PAM: variants seen among roughly 807,000 people sequenced by gnomAD.
PAM encodes the protein peptidyl-glycine alpha-amidating monooxygenase.
Under a neutral mutation model 122.1 loss-of-function variants are expected in PAM, and 72 were observed. That is an observed-to-expected ratio of 0.59 (90% CI 0.49 to 0.72). The LOEUF is 0.72. Among genes scored for constraint, PAM ranks in the 30% least tolerant of loss-of-function variants. The probability of loss-of-function intolerance (pLI) is 0.00; values close to 1 mark genes in which losing one functional copy is unlikely to be tolerated. For synonymous variants in PAM, 389 were observed against 404.4 expected (o/e 0.96, Z 0.46); for missense variants, 1,106 against 1,183.7 (o/e 0.93, Z 0.96).
At chr5:102,875,471 G>C (rs1477538426) in intron 3 of PAM, among the ~76,000 whole-genome samples, 3 of 152,138 alleles carry the variant, frequency 2.0e-5, no homozygotes, top group Admixed American at 2.0e-4. Context: ...TGGGATTACA[G>C]GTGTGGGCCA....
At chr5:102,969,471 G>C (rs574923615) in intron 14 of PAM, among the ~76,000 whole-genome samples, 1 of 152,056 alleles carries the variant, frequency 6.6e-6, no homozygotes, top group Non-Finnish European at 1.5e-5. Flanking sequence ...GCAGAGATGG[G>C]GGTCCTTTCT....
At chr5:102,922,736 T>C (rs915416939) in intron 5 of PAM, among the ~76,000 whole-genome samples, 7 of 152,246 alleles carry the variant, frequency 4.6e-5, no homozygotes, top group Non-Finnish European at 1.0e-4. Flanking sequence ...ACATTGGTTA[T>C]AGGCATTTGT....
chr5:102,982,091 G>A (rs995986916), intron 15 of PAM, among the ~76,000 whole-genome samples: 1 of 151,874 alleles, frequency 6.6e-6, no homozygotes, highest in African/African-American at 2.4e-5. Flanking sequence ...CCAGCCTGCC[G>A]GAGTCCAGAC....
chr5:102,946,823 A>G lies in PAM; in HGVS notation c.527-14A>G, dbSNP rs777235219. On this transcript the variant is annotated splice_polypyrimidine_tract_variant and intron_variant, in intron 7 of 25. Coordinates refer to ENST00000438793, the MANE Select transcript of PAM (RefSeq NM_001177306.2). The stretch of plus-strand genomic sequence containing the variant: ...TATCATATTTAAGATATGTGTTTCT[A>G]TGTGTGTTTTCAGATAATAACAAGG... The G allele has an allele frequency of 3.3e-6, 5 of 1,526,720 alleles. No homozygotes were observed. The highest frequency in any genetic ancestry group is 1.1e-5 in the South Asian group (1 of 88,324). The allele number at this position is 1,526,720 out of a possible 1,614,324, so 94.6% of individuals were successfully genotyped here. A position where few individuals can be genotyped will look rare whatever the true frequency, so the allele number is the denominator to read the frequency against.
chr5:102,956,279 G>C (rs900852233), intron 12 of PAM, among the ~76,000 whole-genome samples: 2 of 152,046 alleles, frequency 1.3e-5, no homozygotes, highest in Non-Finnish European at 2.9e-5. Flanking sequence ...TTAGTGTATT[G>C]TGTGTGTATG....
chr5:102,868,396 T>C (rs1030591838), intron 3 of PAM, among the ~76,000 whole-genome samples: 1 of 152,226 alleles, frequency 6.6e-6, no homozygotes, highest in Non-Finnish European at 1.5e-5. Context: ...TTGGCATTCA[T>C]TTATTTGAAG....
rs1397351851 is a variant in PAM, at chr5:102,871,159, G to C, written c.210+3766G>C. ...GCTCTTGCAGTCTCAACTCAAATTT[G>C]TTTCTTAACTGGCTAGTCCTGTTCC... On this transcript the variant is annotated intron_variant, in intron 3 of 25. Coordinates refer to ENST00000438793, the MANE Select transcript of PAM (RefSeq NM_001177306.2). Among the ~76,000 whole-genome samples the C allele has an allele frequency of 2.0e-5, 3 of 152,192 alleles. No individual in the cohort carries two copies. The East Asian group carries it at 5.8e-4, about 29-fold the overall frequency.
intron 11 of PAM, 148 bp from the exon 12 acceptor site, chr5:102,950,569 G>A (rs925752321): frequency 3.4e-6 from 2 of 580,220 alleles, no homozygotes; most frequent in Non-Finnish European, 6.2e-6. Context: ...AATGGATGCT[G>A]AAAAAGCATT....
chr5:102,854,234 C>A (rs1782045910), intron 1 of PAM, among the ~76,000 whole-genome samples: 1 of 152,090 alleles, frequency 6.6e-6, no homozygotes, highest in Non-Finnish European at 1.5e-5. Flanking sequence ...TGCAAATACT[C>A]AAAAACTATT....
intron 1 of PAM, among the ~76,000 whole-genome samples, chr5:102,807,227 A>T: frequency 6.6e-6 from 1 of 152,222 alleles, no homozygotes; most frequent in Non-Finnish European, 1.5e-5. Context: ...GATAAATTAT[A>T]TACTTATTAA....
intron 1 of PAM, among the ~76,000 whole-genome samples, chr5:102,759,754 A>G (rs1751780873): frequency 6.6e-6 from 1 of 152,178 alleles, no homozygotes; most frequent in African/African-American, 2.4e-5. Context: ...CAAGGGAAGC[A>G]CTGGCTTTGT....
chr5:102,924,241 G>A (rs1748505741), intron 5 of PAM, among the ~76,000 whole-genome samples: 1 of 151,886 alleles, frequency 6.6e-6, no homozygotes, highest in Non-Finnish European at 1.5e-5. Context: ...AGACTAGCCT[G>A]GCCAACATGG....
chr5:103,010,060 A>G (rs984992464), intron 21 of PAM, among the ~76,000 whole-genome samples, 194 bp downstream of exon 21: 4 of 152,168 alleles, frequency 2.6e-5, no homozygotes, highest in Admixed American at 1.3e-4. Flanking sequence ...GTCTTTGTCT[A>G]TTCCTAGATC....
At chr5:103,004,862 A>C (rs907731799) in intron 17 of PAM, among the ~76,000 whole-genome samples, 19 of 152,184 alleles carry the variant, frequency 1.2e-4, no homozygotes, top group African/African-American at 4.6e-4. Flanking sequence ...CCTGTTTTTA[A>C]ACTGATACTG....
At chr5:102,941,669 T>C (rs1029084550) in intron 7 of PAM, among the ~76,000 whole-genome samples, 2 of 152,000 alleles carry the variant, frequency 1.3e-5, no homozygotes, top group Admixed American at 1.3e-4. Context: ...GATTTTGTTT[T>C]GAAGGAACTA....
At chr5:102,902,660 T>C (rs1276629193) in intron 4 of PAM, among the ~76,000 whole-genome samples, 1 of 151,582 alleles carries the variant, frequency 6.6e-6, no homozygotes, top group Non-Finnish European at 1.5e-5. Flanking sequence ...TAATTTCATA[T>C]TAACACACTT....
chr5:102,852,203 A>C (rs1781502650), intron 1 of PAM, among the ~76,000 whole-genome samples: 1 of 152,166 alleles, frequency 6.6e-6, no homozygotes, highest in African/African-American at 2.4e-5. Context: ...GAAAAATAAA[A>C]TGGTCAGCTT....
At chr5:102,853,318 G>A (rs772221937) in intron 1 of PAM, among the ~76,000 whole-genome samples, 1 of 152,112 alleles carries the variant, frequency 6.6e-6, no homozygotes, top group Non-Finnish European at 1.5e-5. Context: ...AAGTGAGAGA[G>A]TTACCATTTT....
chr5:102,820,089 T>TA (rs141535249), intron 1 of PAM, among the ~76,000 whole-genome samples: 2,096 of 152,342 alleles, frequency 0.014, 53 homozygotes, highest in African/African-American at 0.048. Context: ...ATTGTGTTTT[T>TA]AAAAAATTCA....
Sources: gnomAD v4.1 joint callset for allele counts (sites outside exome capture counted in the v4.1 genomes callset) on GRCh38, gnomAD v4.1.1 for gene constraint, MANE v1.5 for transcripts, NCBI Gene and HGNC (gene_info 2026-07-23, HGNC 2026-07-21) for gene names.